SMAD6: variants seen among roughly 807,000 people sequenced by gnomAD.
SMAD6 encodes MAD homolog 6.
In SMAD6, 103 loss-of-function variants were observed where a neutral mutation model predicts 39.4. That is an observed-to-expected ratio of 2.62 (90% CI 2.23 to 3.08). The LOEUF (loss-of-function observed/expected upper bound fraction) is 3.08. SMAD6 is among the 30% of genes most tolerant of loss of function. SMAD6 has a pLI of 0.00. For missense variants in SMAD6, 1,104 were observed against 742.9 expected (o/e 1.49, Z -5.65); for synonymous variants, 445 against 353.3 (o/e 1.26, Z -2.91).
intron 1 of SMAD6, chr15:66,706,582 G>A (rs1273545113): frequency 3.9e-5 from 6 of 152,330 alleles, no homozygotes; most frequent in Admixed American, 3.3e-4. Context: ...CTGGGGCTCA[G>A]CGGTGCGCGT....
chr15:66,768,158 G>T (rs59463779), intron 3 of SMAD6, among the ~76,000 whole-genome samples: 1 of 151,862 alleles, frequency 6.6e-6, no homozygotes, highest in Non-Finnish European at 1.5e-5. Context: ...TTTTTGTAGA[G>T]ATGGGGACTT....
intron 2 of SMAD6, among the ~76,000 whole-genome samples, chr15:66,715,765 A>T (rs1289853864): frequency 1.2e-4 from 12 of 97,680 alleles, no homozygotes; most frequent in South Asian, 3.3e-4. Flanking sequence ...AAAACTACTT[A>T]AAAAAAAAAA....
intron 3 of SMAD6, among the ~76,000 whole-genome samples, chr15:66,748,490 G>T (rs1893944898): frequency 6.6e-6 from 1 of 152,086 alleles, no homozygotes; most frequent in Non-Finnish European, 1.5e-5. Flanking sequence ...AAGGGCATTG[G>T]GTTACAACAA....
chr15:66,723,739 G>T (rs1893474874), intron 3 of SMAD6, among the ~76,000 whole-genome samples: 1 of 152,164 alleles, frequency 6.6e-6, no homozygotes, highest in Non-Finnish European at 1.5e-5. Context: ...GGGGAAAAAA[G>T]AATCTACTAC....
At chr15:66,769,905 A>G (rs1189510294) in intron 3 of SMAD6, among the ~76,000 whole-genome samples, 4 of 151,994 alleles carry the variant, frequency 2.6e-5, no homozygotes, top group Non-Finnish European at 4.4e-5. Context: ...TTGGCTCACT[A>G]CAACCTCTAC....
intron 3 of SMAD6, among the ~76,000 whole-genome samples, chr15:66,722,483 T>C (rs7180324): frequency 0.047 from 7,056 of 151,694 alleles, 515 homozygotes; most frequent in African/African-American, 0.15. Flanking sequence ...ATGCCCACTC[T>C]GCCTATCCCC....
Position 66,716,467 on chromosome 15 carries a change from C to CT in SMAD6, c.922dup (p.Ser308PhefsTer8). 1 of 1,613,710 alleles carries CT rather than the reference C, an allele frequency of 6.2e-7. No individual in the cohort carries two copies. Among genetic ancestry groups the CT allele is most frequent in the Non-Finnish European group, 8.5e-7 (1 of 1,179,536 alleles). On this transcript the variant is annotated frameshift_variant, in exon 3 of 4. Transcript: ENST00000288840. LOFTEE classifies it high-confidence loss of function. Reference sequence around the variant, plus strand: ...CTTACACTGAAACGGAGGCTACCAACTCCCTCATCACTGCTCCGGGTGAAT... The same window carrying CT: ...CTTACACTGAAACGGAGGCTACCAACTTCCCTCATCACTGCTCCGGGTGAAT...
intron 3 of SMAD6, among the ~76,000 whole-genome samples, chr15:66,767,717 A>G (rs925453707): frequency 6.6e-6 from 1 of 152,216 alleles, no homozygotes; most frequent in Non-Finnish European, 1.5e-5. Context: ...TCTCTAGTCA[A>G]TATTAGCTTT....
chr15:66,742,824 G>A (rs1188520036), intron 3 of SMAD6, among the ~76,000 whole-genome samples: 1 of 152,136 alleles, frequency 6.6e-6, no homozygotes, highest in African/African-American at 2.4e-5. Context: ...TAGACTGCCC[G>A]CTGCGCTCCC....
chr15:66,768,216 C>G (rs1894323202), intron 3 of SMAD6, among the ~76,000 whole-genome samples: 1 of 152,128 alleles, frequency 6.6e-6, no homozygotes, highest in African/African-American at 2.4e-5. Context: ...AAGTGAACCT[C>G]TCACCTTGGC....
chr15:66,734,082 C>T (rs932608841), intron 3 of SMAD6, among the ~76,000 whole-genome samples: 2 of 152,214 alleles, frequency 1.3e-5, no homozygotes, highest in African/African-American at 4.8e-5. Flanking sequence ...GGCGACTCCA[C>T]AGCCGGGAGG....
chr15:66,773,816 C>T (rs1438555829), intron 3 of SMAD6, among the ~76,000 whole-genome samples: 1 of 152,190 alleles, frequency 6.6e-6, no homozygotes, highest in Non-Finnish European at 1.5e-5. Context: ...AGTCACTTAA[C>T]TTCTCTGGGC....
rs1894599817 is a variant in SMAD6, at chr15:66,782,742, A to T, written c.*1207A>T. ...CTCCTTGGCCAGATAACTAAGAGGA[A>T]TGTTTCATTGTATATCTTTTTTCTT... On this transcript the variant is annotated 3_prime_UTR_variant, in exon 4 of 4. Coordinates refer to ENST00000288840, the MANE Select transcript of SMAD6 (RefSeq NM_005585.5). 6.6e-6 allele frequency: 1 copy of T among 152,236 alleles called. No homozygotes were observed. Among genetic ancestry groups the T allele is most frequent in the Non-Finnish European group, 1.5e-5 (1 of 68,040 alleles). 9.4% of individuals were successfully genotyped at this position (152,236 alleles called of 1,614,324 possible).
chr15:66,745,767 G>T (rs949307782), intron 3 of SMAD6, among the ~76,000 whole-genome samples: 4 of 152,086 alleles, frequency 2.6e-5, no homozygotes, highest in Admixed American at 1.3e-4. Context: ...TCCCTCTCCG[G>T]GCCTCAGCTT....
At chr15:66,744,864 G>A (rs1395023033) in intron 3 of SMAD6, among the ~76,000 whole-genome samples, 1 of 152,174 alleles carries the variant, frequency 6.6e-6, no homozygotes, top group African/African-American at 2.4e-5. Flanking sequence ...CAGCTCCTAT[G>A]GGACCTGGGC....
rs570082660 is a variant in SMAD6, at chr15:66,737,952, C to G, written c.952+21454C>G. ...GAGGACCCTGGTTAGGAGAGGGAAC[C>G]CTGGGGTACCTGCTCTATGGTAATA... is the stretch of plus-strand genomic sequence containing the variant. On this transcript the variant is annotated intron_variant, in intron 3 of 3. Transcript: ENST00000288840. Among the ~76,000 whole-genome samples, 5 of 152,182 alleles carry G rather than the reference C, an allele frequency of 3.3e-5. No individual in the cohort carries two copies. The South Asian group carries it at 1.0e-3, about 32-fold the overall frequency.
At chr15:66,707,010 G>C (rs1187415797) in intron 1 of SMAD6, 1 of 152,298 alleles carries the variant, frequency 6.6e-6, no homozygotes, top group Non-Finnish European at 1.5e-5. Flanking sequence ...TCGGAAACTG[G>C]GGTCCTCAGG....
chr15:66,712,688 CAAAAAAAAA>C (rs775687604), intron 2 of SMAD6, among the ~76,000 whole-genome samples: 3 of 49,328 alleles, frequency 6.1e-5, no homozygotes, highest in African/African-American at 2.1e-4. Flanking sequence ...AATTCTGTCT[CAAAAAAAAA>C]AAAAAAAAAA....
chr15:66,752,806 TAATA>T (rs1894030032), intron 3 of SMAD6, among the ~76,000 whole-genome samples: 1 of 151,224 alleles, frequency 6.6e-6, no homozygotes, highest in Non-Finnish European at 1.5e-5. Flanking sequence ...AAAAAAATAA[TAATA>T]AAAAAATACA....
Sources: allele counts gnomAD v4.1 joint callset (sites outside exome capture counted in the v4.1 genomes callset), GRCh38; gene constraint gnomAD v4.1.1; transcripts MANE v1.5; gene names NCBI Gene and HGNC (gene_info 2026-07-23, HGNC 2026-07-21).